WDHD1: variants seen among roughly 807,000 people sequenced by gnomAD.
The protein encoded by WDHD1 is WD repeat and HMG-box DNA binding protein 1, also known as WD repeat and HMG-box DNA-binding protein 1.
Under a neutral mutation model 135.4 loss-of-function variants are expected in WDHD1, and 111 were observed. That is an observed-to-expected ratio of 0.82 (90% confidence interval 0.70 to 0.96). WDHD1 has a LOEUF of 0.96. Among genes scored for constraint, WDHD1 ranks in the 40% least tolerant of loss-of-function variants. WDHD1 has a pLI of 0.00. For missense variants in WDHD1, 1,351 were observed against 1,336.3 expected (o/e 1.01, Z -0.17); for synonymous variants, 434 against 439.0 (o/e 0.99, Z 0.14).
intron 18 of WDHD1, among the ~76,000 whole-genome samples, chr14:54,965,568 G>A (rs945760396): frequency 6.6e-6 from 1 of 152,276 alleles, no homozygotes; most frequent in East Asian, 1.9e-4. Context: ...TACCTTGAGA[G>A]CCCGTTAAAA....
At chr14:54,996,540 C>T (rs1198680863) in intron 10 of WDHD1, among the ~76,000 whole-genome samples, 1 of 152,064 alleles carries the variant, frequency 6.6e-6, no homozygotes, top group East Asian at 1.9e-4. Context: ...GTCAGGGCTG[C>T]AGTGAGCCAT....
chr14:55,007,287 CT>C lies in WDHD1; in HGVS notation c.592del (p.Ser198ValfsTer38). 1 of 1,581,728 alleles carries C rather than the reference CT, an allele frequency of 6.3e-7. No homozygotes were observed. The highest frequency in any genetic ancestry group is 8.6e-7 in the Non-Finnish European group (1 of 1,168,710). On this transcript the variant is annotated frameshift_variant, in exon 7 of 26. Coordinates refer to ENST00000360586, the MANE Select transcript of WDHD1 (RefSeq NM_007086.4). LOFTEE classifies it high-confidence loss of function. ...SICRLAWQPK[S>X]GKLLAIPVEK... The stretch of plus-strand genomic sequence containing the variant: ...AAAATAAGAATCACTTACCTTCCCA[CT>C]TTTTGGCTGCCAAGCAAGTCTGCAG...
chr14:55,025,462 C>G (rs367824710), intron 2 of WDHD1, among the ~76,000 whole-genome samples: 1 of 152,140 alleles, frequency 6.6e-6, no homozygotes, highest in East Asian at 1.9e-4. Context: ...TTCCACCTTA[C>G]GAGAAACACC....
intron 2 of WDHD1, among the ~76,000 whole-genome samples, chr14:55,020,975 C>A (rs2042336400): frequency 6.6e-6 from 1 of 152,098 alleles, no homozygotes; most frequent in Non-Finnish European, 1.5e-5. Flanking sequence ...ATCGTCTTCA[C>A]AGTGAGAAGG....
At position 54,989,995 on chromosome 14, in the gene WDHD1, C is replaced by G. The variant is rs140038782; in HGVS notation, c.1342-783G>C. On this transcript the variant is annotated intron_variant, in intron 12 of 25. Coordinates refer to ENST00000360586, the MANE Select transcript of WDHD1 (RefSeq NM_007086.4). The stretch of plus-strand genomic sequence containing the variant: ...ACATAAATTGATACCACTTGGAAAA[C>G]TTATCTTCCACTGATGTCCATTATA... Among the ~76,000 whole-genome samples the G allele has an allele frequency of 7.4e-3, 1,122 of 152,248 alleles. 18 individuals carry two copies. Among genetic ancestry groups the G allele is most frequent in the Non-Finnish European group, 7.8e-3 (529 of 68,010 alleles).
chr14:54,972,645 C>T (rs1050096326), intron 16 of WDHD1, among the ~76,000 whole-genome samples: 1 of 138,094 alleles, frequency 7.2e-6, no homozygotes, highest in Non-Finnish European at 1.5e-5. Context: ...TTAGTACTGT[C>T]GGTATGAGTT....
chr14:55,025,752 TTAG>T (rs2042425949), intron 2 of WDHD1, among the ~76,000 whole-genome samples: 1 of 152,236 alleles, frequency 6.6e-6, no homozygotes, highest in African/African-American at 2.4e-5. Flanking sequence ...TCTCCACATT[TTAG>T]TAAGGCTAGT....
chr14:55,010,708 G>T (rs151312413), intron 3 of WDHD1, among the ~76,000 whole-genome samples: 4 of 152,190 alleles, frequency 2.6e-5, no homozygotes. Context: ...TTTACTTCTG[G>T]TAAGAAAAAT....
At chr14:54,986,125 A>G (rs2041690661) in intron 14 of WDHD1, among the ~76,000 whole-genome samples, 1 of 152,224 alleles carries the variant, frequency 6.6e-6, no homozygotes, top group African/African-American at 2.4e-5. Flanking sequence ...ATGGATTATG[A>G]TAAAATTCCC....
chr14:54,949,683 T>A (rs1212341143), intron 24 of WDHD1, among the ~76,000 whole-genome samples: 1 of 151,950 alleles, frequency 6.6e-6, no homozygotes, highest in Admixed American at 6.6e-5. Flanking sequence ...GAAGAGCAAC[T>A]CCAAGACACA....
intron 10 of WDHD1, among the ~76,000 whole-genome samples, chr14:54,999,188 T>G (rs906209876): frequency 1.3e-5 from 2 of 152,226 alleles, no homozygotes; most frequent in African/African-American, 4.8e-5. Flanking sequence ...ATTTCAACAT[T>G]CAAGTATCTA....
intron 25 of WDHD1, 61 bp downstream of exon 25, chr14:54,944,271 A>T (rs956823345): frequency 7.6e-6 from 12 of 1,589,210 alleles, no homozygotes; most frequent in Non-Finnish European, 1.0e-5. Context: ...AGGCATTTCT[A>T]TAAGAATTTT....
At position 54,939,092 on chromosome 14, in the gene WDHD1, G is replaced by A. The variant is rs1024022130; in HGVS notation, c.*2398C>T. 1.8e-4 allele frequency: 27 copies of A among 152,164 alleles called. No homozygotes were observed. The highest frequency in any genetic ancestry group is 6.5e-4 in the African/African-American group (27 of 41,430). The allele number at this position is 152,164 out of a possible 1,614,324, so 9.4% of individuals were successfully genotyped here. ...CAACAATAAGACAAACTAGAGGAAG[G>A]ATATACAGGTGCTTACTGTCAAATT... On this transcript the variant is annotated 3_prime_UTR_variant, in exon 26 of 26. Transcript: ENST00000360586.
At chr14:54,975,534 G>A (rs113103048) in intron 16 of WDHD1, among the ~76,000 whole-genome samples, 10,764 of 152,082 alleles carry the variant, frequency 0.071, 603 homozygotes, top group Non-Finnish European at 0.11. Context: ...TTTTAGTAGA[G>A]ACAGGGTTTC....
At chr14:54,975,204 C>G (rs2041505877) in intron 16 of WDHD1, among the ~76,000 whole-genome samples, 1 of 152,136 alleles carries the variant, frequency 6.6e-6, no homozygotes, top group Non-Finnish European at 1.5e-5. Context: ...TAGACTGTAA[C>G]ACAGCAAAAT....
At chr14:55,009,588 T>C (rs563547370) in intron 4 of WDHD1, among the ~76,000 whole-genome samples, 3 of 151,912 alleles carry the variant, frequency 2.0e-5, no homozygotes, top group South Asian at 2.1e-4. Flanking sequence ...CCCGCTACTA[T>C]GCCCAGCTCA....
chr14:54,977,543 ATTCTTT>A (rs2041544876), intron 16 of WDHD1, among the ~76,000 whole-genome samples: 1 of 152,184 alleles, frequency 6.6e-6, no homozygotes, highest in Non-Finnish European at 1.5e-5. Context: ...ATAAAGAAAT[ATTCTTT>A]ATTAGCTGAT....
intron 18 of WDHD1, among the ~76,000 whole-genome samples, chr14:54,965,171 T>A (rs960733751): frequency 6.6e-6 from 1 of 152,240 alleles, no homozygotes; most frequent in Non-Finnish European, 1.5e-5. Flanking sequence ...CTACTATGTG[T>A]TAAGCCACCA....
chr14:55,021,752 T>C (rs1410660788), intron 2 of WDHD1, among the ~76,000 whole-genome samples: 1 of 152,206 alleles, frequency 6.6e-6, no homozygotes, highest in Non-Finnish European at 1.5e-5. Context: ...CTTATCTTTT[T>C]TGCCATACCC....
Sources: gnomAD v4.1 joint callset for allele counts (sites outside exome capture counted in the v4.1 genomes callset) on GRCh38, gnomAD v4.1.1 for gene constraint, MANE v1.5 for transcripts, NCBI Gene and HGNC (gene_info 2026-07-23, HGNC 2026-07-21) for gene names.